DST: variants seen among roughly 807,000 people sequenced by gnomAD.
DST encodes bullous pemphigoid antigen.
A neutral mutation model predicts 875.2 loss-of-function variants in DST; 253 were observed. The ratio of observed to expected loss-of-function variants is 0.29; its 90% confidence interval spans 0.26 to 0.32. The LOEUF is 0.32. DST is among the 10% of genes least tolerant of loss of function. The pLI, the probability that DST is intolerant of heterozygous loss-of-function variation, is 1.00. For synonymous variants in DST, 3,124 were observed against 3,197.1 expected (o/e 0.98, Z 0.77); for missense variants, 8,287 against 9,111.6 (o/e 0.91, Z 3.68).
intron 2 of DST, among the ~76,000 whole-genome samples, chr6:56,916,908 C>G (rs1313390639): frequency 7.1e-6 from 1 of 140,598 alleles, no homozygotes; most frequent in Non-Finnish European, 1.5e-5. Context: ...AGCTACATTA[C>G]TAAGGTAGGG....
rs113220966 is a variant in DST at position 56,866,062 on chromosome 6, C to T, written c.418-14458G>A. Among the ~76,000 whole-genome samples, 227 of 152,052 alleles carry T rather than the reference C, an allele frequency of 1.5e-3. 4 individuals carry two copies. Among genetic ancestry groups the T allele is most frequent in the African/African-American group, 5.1e-3 (213 of 41,498 alleles). On this transcript the variant is annotated intron_variant, in intron 3 of 103. Coordinates refer to ENST00000680361, the MANE Select transcript of DST (RefSeq NM_001374736.1). The stretch of plus-strand genomic sequence containing the variant: ...AGTGCAGAGTGTAGTGGCGCAATCT[C>T]GGCTCACTGCAACCTCTGCCTCCTG...
Position 56,501,097 on chromosome 6 carries a change from C to G in DST, c.19879G>C (p.Glu6627Gln). 6.2e-7 allele frequency: 1 copy of G among 1,612,442 alleles called. No individual in the cohort carries two copies. Among genetic ancestry groups the G allele is most frequent in the Admixed American group, 1.7e-5 (1 of 59,790 alleles). Reference protein sequence around the residue: ...VGGDPKAIEIELAKHHVLQND... With the variant: ...VGGDPKAIEIQLAKHHVLQND... ...CTACGTACATGATGCTTGGCAAGTT[C>G]AATTTCAATGGCTTTAGGGTCTCCT... Residue 6627 changes from glutamate (E) to glutamine (Q), a missense_variant, in exon 80 of 104, where the codon GAA becomes CAA. Around this residue, in one of 10 missense-constraint regions of DST, gnomAD observed 1,292 missense variants for 1,552.7 expected, o/e 0.83. Coordinates refer to ENST00000680361, the MANE Select transcript of DST (RefSeq NM_001374736.1).
chr6:56,807,193 GGT>G (rs2099754060), intron 4 of DST, among the ~76,000 whole-genome samples: 1 of 152,008 alleles, frequency 6.6e-6, no homozygotes, highest in African/African-American at 2.4e-5. Flanking sequence ...CTGGACTAGA[GGT>G]GTGTGTTTTT....
chr6:56,778,187 G>C (rs977263656), intron 4 of DST, among the ~76,000 whole-genome samples: 1 of 151,858 alleles, frequency 6.6e-6, no homozygotes, highest in Non-Finnish European at 1.5e-5. Context: ...TCAAGGAATT[G>C]GGAGCCTTTC....
chr6:56,939,778 A>G (rs559832877), intron 2 of DST, among the ~76,000 whole-genome samples: 6 of 152,108 alleles, frequency 3.9e-5, no homozygotes, highest in Non-Finnish European at 7.4e-5. Context: ...TAATCCCAGC[A>G]CTTTGGGAGG....
chr6:56,916,778 TCACACACACACACACACACA>T lies in DST; in HGVS notation c.217-16177_217-16158del, dbSNP rs70989742. Among the ~76,000 whole-genome samples the T allele has an allele frequency of 3.0e-3, 274 of 91,348 alleles. 7 individuals carry two copies. Among genetic ancestry groups the T allele is most frequent in the Non-Finnish European group, 8.5e-4 (43 of 50,788 alleles). 59.9% of individuals were successfully genotyped at this position (91,348 alleles called of 152,430 possible). A position where few individuals can be genotyped will look rare whatever the true frequency, so the allele number is the denominator to read the frequency against. ...ATCTCTCTCTCTCTCTCTCTCTCTC[TCACACACACACACACACACA>T]CACACACACACACACACACACACAC... On this transcript the variant is annotated intron_variant, in intron 2 of 103. Transcript: ENST00000680361.
intron 10 of DST, among the ~76,000 whole-genome samples, chr6:56,652,743 T>C (rs1365115617): frequency 6.6e-6 from 1 of 152,214 alleles, no homozygotes; most frequent in African/African-American, 2.4e-5. Flanking sequence ...CATGCTCATA[T>C]TCCAGGAAAT....
intron 4 of DST, among the ~76,000 whole-genome samples, chr6:56,793,710 C>T (rs990523664): frequency 2.6e-5 from 4 of 151,910 alleles, no homozygotes; most frequent in Non-Finnish European, 4.4e-5. Flanking sequence ...CATATTGTCT[C>T]GGATAATAAT....
At chr6:56,797,516 G>A (rs1311575332) in intron 4 of DST, among the ~76,000 whole-genome samples, 1 of 152,134 alleles carries the variant, frequency 6.6e-6, no homozygotes, top group African/African-American at 2.4e-5. Flanking sequence ...AAATTCAAAG[G>A]CGAAGTTCTT....
chr6:56,514,535 TCTCTCTCC>T (rs1400614783), intron 72 of DST, among the ~76,000 whole-genome samples: 1 of 151,272 alleles, frequency 6.6e-6, no homozygotes, highest in South Asian at 2.1e-4. Flanking sequence ...CCTCCCTTTC[TCTCTCTCC>T]CTCTCTCCCT....
intron 98 of DST, chr6:56,467,120 A>G (rs1356368005): frequency 6.6e-6 from 1 of 152,210 alleles, no homozygotes; most frequent in Admixed American, 6.5e-5. Flanking sequence ...AACTCATAAA[A>G]ACTACCAGAC....
At chr6:56,681,519 C>T (rs952877076) in intron 9 of DST, among the ~76,000 whole-genome samples, 16 of 152,200 alleles carry the variant, frequency 1.1e-4, no homozygotes, top group Non-Finnish European at 2.2e-4. Flanking sequence ...GATTCTGCCT[C>T]AGGGGTCTGT....
rs747818224 is a variant in DST at position 56,606,965 on chromosome 6, C to G, written c.7663G>C (p.Glu2555Gln). 4.6e-5 allele frequency: 74 copies of G among 1,613,358 alleles called. 1 individual carries two copies. In the Middle Eastern group the frequency reaches 1.2e-3, roughly 25 times the overall value. ...PEDKEDESEI[E>Q]EYSCAVTPGG... ...GGAGTCACAGCACAGGAATACTCTT[C>G]TATTTCAGACTCATCTTCCTTGTCT... The change falls in exon 40 of 104, where the codon GAA becomes CAA. Residue 2555 changes from glutamate to glutamine, a missense_variant. Physicochemically the swap from Glu to Gln is conservative, Grantham distance 29. Transcript: ENST00000680361.
intron 4 of DST, among the ~76,000 whole-genome samples, chr6:56,751,864 G>C (rs940145991): frequency 1.3e-5 from 2 of 152,118 alleles, no homozygotes; most frequent in Non-Finnish European, 2.9e-5. Flanking sequence ...GGGTAGAATA[G>C]GGATATTATA....
At chr6:56,554,218 G>T (rs1322799051) in intron 60 of DST, among the ~76,000 whole-genome samples, 1 of 151,070 alleles carries the variant, frequency 6.6e-6, no homozygotes, top group Non-Finnish European at 1.5e-5. Context: ...CTGAGTAGCT[G>T]GGACTACAGG....
intron 3 of DST, among the ~76,000 whole-genome samples, chr6:56,870,457 G>A (rs114025825): frequency 0.036 from 5,134 of 141,248 alleles, 331 homozygotes; most frequent in African/African-American, 0.13. Context: ...AAAAAAAAGA[G>A]CTCATGGTAA....
chr6:56,525,168 G>A (rs111964768), intron 69 of DST, among the ~76,000 whole-genome samples: 2 of 152,216 alleles, frequency 1.3e-5, no homozygotes, highest in Non-Finnish European at 2.9e-5. Context: ...CAAGAGTACA[G>A]AATAATTTTC....
chr6:56,485,212 A>C (rs2095522495), intron 88 of DST, 100 bp downstream of exon 88: 2 of 1,323,278 alleles, frequency 1.5e-6, no homozygotes, highest in South Asian at 2.4e-5. Context: ...AGTATGATCT[A>C]TAGTCTTCTG....
At chr6:56,898,458 T>C (rs1405907604) in intron 3 of DST, among the ~76,000 whole-genome samples, 3 of 152,216 alleles carry the variant, frequency 2.0e-5, no homozygotes, top group Admixed American at 6.5e-5. Flanking sequence ...TTAATGATAG[T>C]CACTTACTTC....
Sources: allele counts gnomAD v4.1 joint callset (sites outside exome capture counted in the v4.1 genomes callset), GRCh38; gene constraint gnomAD v4.1.1; regional missense constraint gnomAD v4.1.1; transcripts MANE v1.5; gene names NCBI Gene and HGNC (gene_info 2026-07-23, HGNC 2026-07-21).